TRAF5: variants seen among roughly 807,000 people sequenced by gnomAD.
TRAF5 encodes TNF receptor-associated factor 5.
In TRAF5, 48 loss-of-function variants were observed where a neutral mutation model predicts 64.5. That is an observed-to-expected ratio of 0.74 (90% confidence interval 0.59 to 0.95). The LOEUF (loss-of-function observed/expected upper bound fraction) is 0.95, where lower values mean the gene tolerates loss of function less well. Among genes scored for constraint, TRAF5 ranks in the 40% least tolerant of loss-of-function variants. The pLI is 0.00. For synonymous variants in TRAF5, 206 were observed against 240.5 expected (o/e 0.86, Z 1.33); for missense variants, 545 against 662.8 (o/e 0.82, Z 1.95).
chr1:211,334,425 G>A (rs61851030), intron 1 of TRAF5, among the ~76,000 whole-genome samples: 25,129 of 152,210 alleles, frequency 0.17, 2,187 homozygotes, highest in African/African-American at 0.22. Flanking sequence ...TTGGGAGACC[G>A]AGGCGGGCTG....
chr1:211,343,900 C>G (rs562883099), intron 1 of TRAF5, among the ~76,000 whole-genome samples: 1 of 152,304 alleles, frequency 6.6e-6, no homozygotes, highest in Admixed American at 6.5e-5. Context: ...TGTTACAGAG[C>G]TGGAGCCAAG....
chr1:211,367,184 A>G (rs924459314), intron 8 of TRAF5, among the ~76,000 whole-genome samples: 3 of 152,162 alleles, frequency 2.0e-5, no homozygotes, highest in African/African-American at 7.2e-5. Context: ...GGGTTTTGCC[A>G]TGTTGTCCAG....
chr1:211,353,425 C>T lies in TRAF5; in HGVS notation c.186C>T (p.His62=). 6.2e-7 allele frequency: 1 copy of T among 1,613,810 alleles called. No homozygotes were observed. Among genetic ancestry groups the T allele is most frequent in the Non-Finnish European group, 8.5e-7 (1 of 1,180,014 alleles). Residue 62 remains histidine, a synonymous_variant, in exon 2 of 11, where the codon CAC becomes CAT. Coordinates refer to ENST00000261464, the MANE Select transcript of TRAF5 (RefSeq NM_001033910.3). ...ACCCCCACCAGACAGGATGTGGGCA[C>T]CGCTTCTGCCAGCACTGCATCCTGT... ...LHNPHQTGCG[H]RFCQHCILSL... is the part of the protein sequence containing the mutation.
chr1:211,371,358 A>G lies in TRAF5; in HGVS notation c.987A>G (p.Leu329=). ...SAWLEAQVHQ[L]LQMVNQQQNK... ...GGCTAGAAGCTCAAGTGCATCAATT[A>G]TTACAAATGGTTAACCAGCAACAAA... Residue 329 remains leucine, a synonymous_variant, in exon 10 of 11, where the codon TTA becomes TTG. Transcript: ENST00000261464. The G allele has an allele frequency of 3.1e-6, 5 of 1,611,176 alleles. No individual in the cohort carries two copies. Among genetic ancestry groups the G allele is most frequent in the Non-Finnish European group, 4.2e-6 (5 of 1,179,626 alleles).
chr1:211,371,732 T>G (rs149957168), intron 10 of TRAF5, among the ~76,000 whole-genome samples: 86 of 152,332 alleles, frequency 5.6e-4, no homozygotes, highest in African/African-American at 1.9e-3. Flanking sequence ...TTGATGACTT[T>G]AAAGAAGAAT....
intron 6 of TRAF5, 94 bp downstream of exon 6, chr1:211,360,873 C>G (rs1703155537): frequency 8.2e-7 from 1 of 1,219,682 alleles, no homozygotes; most frequent in African/African-American, 1.5e-5. Context: ...AAGATAAGGG[C>G]CCAGGGCTTA....
intron 1 of TRAF5, among the ~76,000 whole-genome samples, chr1:211,336,553 C>A (rs893383684): frequency 2.6e-5 from 4 of 152,256 alleles, no homozygotes; most frequent in Admixed American, 2.0e-4. Flanking sequence ...CAGTGAGAAG[C>A]GTGCTTAGCA....
chr1:211,342,209 CAT>C (rs1047369314), intron 1 of TRAF5, among the ~76,000 whole-genome samples: 7 of 152,166 alleles, frequency 4.6e-5, no homozygotes, highest in East Asian at 1.9e-4. Context: ...ATTTACAAAA[CAT>C]GTGATGGGCC....
intron 7 of TRAF5, among the ~76,000 whole-genome samples, chr1:211,365,096 C>T (rs1212930216): frequency 2.0e-5 from 3 of 151,944 alleles, no homozygotes; most frequent in Non-Finnish European, 4.4e-5. Flanking sequence ...TCGCTTGAAC[C>T]CGAGAGGCAG....
chr1:211,357,920 CT>C (rs1279023319), intron 4 of TRAF5: 1 of 152,198 alleles, frequency 6.6e-6, no homozygotes, highest in Non-Finnish European at 1.5e-5. Flanking sequence ...CATACAGTCT[CT>C]GTCACAATTA....
At position 211,371,329 on chromosome 1, in the gene TRAF5, G is replaced by A; in HGVS notation, c.958G>A (p.Ala320Thr). 6.3e-7 allele frequency: 1 copy of A among 1,599,880 alleles called. No individual in the cohort carries two copies. Among genetic ancestry groups the A allele is most frequent in the Non-Finnish European group, 8.5e-7 (1 of 1,177,112 alleles). ...TTTTGCCAGTCACATTGACAAGTCA[G>A]CTTGGCTAGAAGCTCAAGTGCATCA... ...QVFASHIDKSAWLEAQVHQLL... is the reference protein window; with the variant it reads ...QVFASHIDKSTWLEAQVHQLL... The change falls in exon 10 of 11, where the codon GCT becomes ACT. Residue 320 changes from alanine (A) to threonine (T), a missense_variant. Transcript: ENST00000261464.
chr1:211,335,440 G>A (rs754155477), intron 1 of TRAF5, among the ~76,000 whole-genome samples: 6 of 152,192 alleles, frequency 3.9e-5, no homozygotes, highest in Non-Finnish European at 5.9e-5. Context: ...CTTGCTCTGC[G>A]TCTGCACCTT....
At chr1:211,332,528 A>G (rs1702183707) in intron 1 of TRAF5, among the ~76,000 whole-genome samples, 2 of 152,206 alleles carry the variant, frequency 1.3e-5, no homozygotes, top group African/African-American at 2.4e-5. Flanking sequence ...TTCTGTCTTC[A>G]TGATTTTAGG....
At chr1:211,329,166 G>A (rs1281891098) in intron 1 of TRAF5, among the ~76,000 whole-genome samples, 2 of 152,226 alleles carry the variant, frequency 1.3e-5, no homozygotes, top group Non-Finnish European at 2.9e-5. Flanking sequence ...GCTCTGCCTA[G>A]CCAGGCAAAC....
intron 5 of TRAF5, chr1:211,360,486 C>G: frequency 1.9e-6 from 1 of 533,406 alleles, no homozygotes; most frequent in Non-Finnish European, 3.3e-6. Context: ...ATCCTGTGTT[C>G]TATGACTTTC....
chr1:211,327,143 CG>C (rs1702037462), intron 1 of TRAF5, among the ~76,000 whole-genome samples: 1 of 151,968 alleles, frequency 6.6e-6, no homozygotes, highest in South Asian at 2.1e-4. Context: ...CGGTGCGGAG[CG>C]GGTTTCTTAG....
Position 211,353,226 on chromosome 1 carries a change from CT to C in TRAF5, c.-1-12del. The C allele has an allele frequency of 3.1e-6, 5 of 1,613,702 alleles. No homozygotes were observed. The highest frequency in any genetic ancestry group is 4.2e-6 in the Non-Finnish European group (5 of 1,179,664). On this transcript the variant is annotated splice_polypyrimidine_tract_variant and intron_variant, in intron 1 of 10. Transcript: ENST00000261464. ...CACACTTAATTTTCCCTCTCCTCCC[CT>C]GACCTCTGCAGAATGGCTTATTCAG...
chr1:211,372,214 C>A lies in TRAF5; in HGVS notation c.1186C>A (p.Leu396Met). ...GAGTAAAAATGAAGAGCGATTTAAA[C>A]TGCTGGAGGGTACTTGCTATAATGG... The part of the protein sequence containing the change: ...QLSKNEERFK[L>M]LEGTCYNGKL... Residue 396 changes from leucine (L) to methionine (M), a missense_variant, in exon 11 of 11, where the codon CTG (leucine) becomes ATG (methionine). Transcript: ENST00000261464. 6.2e-7 allele frequency: 1 copy of A among 1,609,726 alleles called. No homozygotes were observed. The highest frequency in any genetic ancestry group is 8.5e-7 in the Non-Finnish European group (1 of 1,178,156).
chr1:211,372,557 G>T lies in TRAF5; in HGVS notation c.1529G>T (p.Arg510Ile), dbSNP rs1278848271. ...GACCCCAATAGCAGCAGCTTTAAAA[G>T]ACCTGATGGGGAGATGAACATTGCA... ...KPDPNSSSFKRPDGEMNIASG... is the reference protein window; with the variant it reads ...KPDPNSSSFKIPDGEMNIASG... Residue 510 changes from arginine to isoleucine, a missense_variant, in exon 11 of 11, where the codon AGA becomes ATA. Physicochemically the swap from Arg to Ile is moderately conservative, Grantham distance 97. Transcript: ENST00000261464. 3 of 1,614,088 alleles carry T rather than the reference G, an allele frequency of 1.9e-6. No homozygotes were observed. The Admixed American group carries it at 5.0e-5, about 27-fold the overall frequency.
Sources: allele counts gnomAD v4.1 joint callset (sites outside exome capture counted in the v4.1 genomes callset), GRCh38; gene constraint gnomAD v4.1.1; transcripts MANE v1.5; gene names NCBI Gene and HGNC (gene_info 2026-07-23, HGNC 2026-07-21).